The following USP42 variants were observed in gnomAD, a reference collection of about 807,000 sequenced individuals.
USP42 encodes ubiquitin carboxyl-terminal hydrolase 42.
A neutral mutation model predicts 113.0 loss-of-function variants in USP42; 23 were observed. The observed-to-expected ratio is 0.20, with a 90% confidence interval of 0.15 to 0.29. The LOEUF is 0.29. USP42 is among the 10% of genes least tolerant of loss of function. The pLI is 1.00. For missense variants in USP42, 2,174 were observed against 1,779.8 expected, an observed-to-expected ratio of 1.22 and a Z score of -3.99; for synonymous variants, 933 against 699.0, an observed-to-expected ratio of 1.33 and a Z score of -5.28.
chr7:6,141,535 A>G (rs2128505903), intron 7 of USP42, among the ~76,000 whole-genome samples: 1 of 151,570 alleles, frequency 6.6e-6, no homozygotes, highest in Non-Finnish European at 1.5e-5. Flanking sequence ...TAGATTTTCT[A>G]TATTAGCCAA....
chr7:6,130,450 C>T (rs1780791078), intron 3 of USP42, among the ~76,000 whole-genome samples: 1 of 151,808 alleles, frequency 6.6e-6, no homozygotes, highest in Admixed American at 6.6e-5. Flanking sequence ...CTGGGGAGGC[C>T]ATAGTGGTGG....
chr7:6,115,788 C>T (rs944684480), intron 3 of USP42, among the ~76,000 whole-genome samples: 4 of 151,996 alleles, frequency 2.6e-5, no homozygotes, highest in African/African-American at 4.8e-5. Flanking sequence ...TGGTTTTCTA[C>T]ACTTACTAAA....
the USP42 span, among the ~76,000 whole-genome samples, chr7:6,082,095 GT>G: frequency 6.6e-6 from 1 of 151,066 alleles, no homozygotes; most frequent in Non-Finnish European, 1.5e-5. Flanking sequence ...ATACGTGTAT[GT>G]ATGCAGAAAA....
the USP42 span, among the ~76,000 whole-genome samples, chr7:6,091,515 G>A: frequency 1.3e-5 from 2 of 150,650 alleles, no homozygotes; most frequent in African/African-American, 2.5e-5. Flanking sequence ...GGCTTGAGCC[G>A]CCATGCCCAG....
intron 2 of USP42, among the ~76,000 whole-genome samples, chr7:6,113,864 G>A (rs545759945): frequency 3.3e-5 from 5 of 151,320 alleles, no homozygotes; most frequent in African/African-American, 7.3e-5. Flanking sequence ...CTTGTGATCC[G>A]CCCGCCTCGG....
the USP42 span, chr7:6,088,789 G>C: frequency 2.0e-5 from 3 of 151,108 alleles, no homozygotes; most frequent in Non-Finnish European, 4.4e-5. Context: ...TTCTTCCTCA[G>C]ACCTCCTGCT....
At chr7:6,116,059 G>T (rs371275688) in intron 3 of USP42, among the ~76,000 whole-genome samples, 1 of 147,868 alleles carries the variant, frequency 6.8e-6, no homozygotes, top group Non-Finnish European at 1.5e-5. Flanking sequence ...AGCTGTGATC[G>T]CACTGCTGTA....
chr7:6,154,066 A>G lies in USP42; in HGVS notation c.2512A>G (p.Met838Val). 1.2e-6 allele frequency: 2 copies of G among 1,606,080 alleles called. No individual in the cohort carries two copies. The highest frequency in any genetic ancestry group is 1.1e-5 in the South Asian group (1 of 91,034). ...ASPLSQDAKG[M>V]IAEGPRDSAL... ...CCCGTTGTCCCAGGACGCAAAGGGG[A>G]TGATCGCGGAGGGCCCGCGGGACTC... The change falls in exon 15 of 18, where the codon ATG becomes GTG. Residue 838 changes from methionine (M) to valine (V), a missense_variant. Met to Val is a conservative substitution (Grantham distance 21, BLOSUM62 1). Transcript: ENST00000306177.
chr7:6,108,346 T>C (rs1779407938), intron 1 of USP42, among the ~76,000 whole-genome samples: 1 of 152,184 alleles, frequency 6.6e-6, no homozygotes, highest in African/African-American at 2.4e-5. Flanking sequence ...AAGACCAGCC[T>C]GGGCAACGTA....
chr7:6,115,375 G>A lies in USP42; in HGVS notation c.294G>A (p.Lys98=). Residue 98 remains lysine, a synonymous_variant, in exon 3 of 18, where the codon AAG becomes AAA. Coordinates refer to ENST00000306177, the MANE Select transcript of USP42 (RefSeq NM_032172.3). ...AGAAAGTTCTTTTCCCATCTGAGAAGATTTGTCTTAAGTGGCAACAAACTC... is the reference window on the plus strand; with the variant it reads ...AGAAAGTTCTTTTCCCATCTGAGAAAATTTGTCTTAAGTGGCAACAAACTC... The part of the protein sequence containing the change: ...PPQKVLFPSE[K]ICLKWQQTHR... 6.2e-7 allele frequency: 1 copy of A among 1,614,038 alleles called. No individual in the cohort carries two copies. The highest frequency in any genetic ancestry group is 8.5e-7 in the Non-Finnish European group (1 of 1,179,892).
At chr7:6,145,163 T>G (rs1781644548) in intron 9 of USP42, among the ~76,000 whole-genome samples, 1 of 151,622 alleles carries the variant, frequency 6.6e-6, no homozygotes, top group Non-Finnish European at 1.5e-5. Flanking sequence ...GAAACCCCTG[T>G]CTCTACTAAA....
At chr7:6,132,924 G>C (rs1055305133) in intron 3 of USP42, among the ~76,000 whole-genome samples, 2 of 152,166 alleles carry the variant, frequency 1.3e-5, no homozygotes, top group Non-Finnish European at 2.9e-5. Context: ...GCCCATCTTG[G>C]TCTCCCAAAG....
the USP42 span, among the ~76,000 whole-genome samples, chr7:6,091,714 C>CACACACACACAT: frequency 1.3e-5 from 2 of 148,692 alleles, no homozygotes; most frequent in South Asian, 2.1e-4. Context: ...CACACACACA[C>CACACACACACAT]ATATATATGT....
At chr7:6,092,018 T>C in the USP42 span, among the ~76,000 whole-genome samples, 13 of 105,830 alleles carry the variant, frequency 1.2e-4, 1 homozygote, top group African/African-American at 4.8e-4. Context: ...CTTCTTCTTC[T>C]TCTTCTTCTT....
At chr7:6,082,992 C>T in the USP42 span, among the ~76,000 whole-genome samples, 3 of 148,274 alleles carry the variant, frequency 2.0e-5, no homozygotes, top group Non-Finnish European at 1.5e-5. Flanking sequence ...GATGGAGTCT[C>T]GGCTCACTGC....
chr7:6,158,200 G>A lies in USP42; in HGVS notation c.3943+1145G>A, dbSNP rs550190137. Among the ~76,000 whole-genome samples the A allele has an allele frequency of 6.6e-6, 1 of 152,264 alleles. No individual in the cohort carries two copies. ...TGTGGCTTGATTGGGGCGCAGCCAGGTGCGTTCCCACGCTGTCTGGCGGCT... is the reference window on the plus strand; with the variant it reads ...TGTGGCTTGATTGGGGCGCAGCCAGATGCGTTCCCACGCTGTCTGGCGGCT... On this transcript the variant is annotated intron_variant, in intron 16 of 17. Coordinates refer to ENST00000306177, the MANE Select transcript of USP42 (RefSeq NM_032172.3). This position sits in a 1 kb window ranked among gnomAD's most constrained non-coding sequence, Gnocchi z 4.2.
chr7:6,154,038 G>A lies in USP42; in HGVS notation c.2484G>A (p.Ala828=), dbSNP rs761265224. ...ATCCCGGGAGCTTAACAGGCGATGC[G>A]AGCCCGTTGTCCCAGGACGCAAAGG... is the stretch of plus-strand genomic sequence containing the variant. ...LCDPGSLTGD[A]SPLSQDAKGM... The change falls in exon 15 of 18, where the codon GCG becomes GCA. Residue 828 remains alanine, a synonymous_variant. Transcript: ENST00000306177. 2.2e-5 allele frequency: 35 copies of A among 1,605,136 alleles called. No homozygotes were observed. In the South Asian group the frequency reaches 3.5e-4, roughly 16 times the overall value.
chr7:6,159,020 G>A lies in USP42; in HGVS notation c.3944-430G>A, dbSNP rs1015978524. On this transcript the variant is annotated intron_variant, in intron 16 of 17. Transcript: ENST00000306177. This position sits in a 1 kb window ranked among gnomAD's most constrained non-coding sequence, Gnocchi z 4.1. Reference sequence around the variant, plus strand: ...GGTTTGCAGCTGGCGCTTCTGCTGCGAGCAGACTGAGGAGCCTTTCTTGTC... The same window carrying A: ...GGTTTGCAGCTGGCGCTTCTGCTGCAAGCAGACTGAGGAGCCTTTCTTGTC... 1.3e-5 allele frequency among the ~76,000 whole-genome samples: 2 copies of A among 152,190 alleles called. No individual in the cohort carries two copies. Among genetic ancestry groups the A allele is most frequent in the Admixed American group, 6.5e-5 (1 of 15,280 alleles).
rs373020846 is a variant in USP42 at position 6,137,881 on chromosome 7, A to G, written c.554-1211A>G. Among the ~76,000 whole-genome samples the G allele has an allele frequency of 4.0e-5, 6 of 151,822 alleles. No homozygotes were observed. In the East Asian group the frequency reaches 5.8e-4, roughly 15 times the overall value. ...TTTTTAGTAGAGATGGGGTTTCACC[A>G]TGTTAGCCAGGATGGCCTCGATATC... On this transcript the variant is annotated intron_variant, in intron 4 of 17. Transcript: ENST00000306177.
Sources: gnomAD v4.1 joint callset for allele counts (sites outside exome capture counted in the v4.1 genomes callset) on GRCh38, gnomAD v4.1.1 for gene constraint, Gnocchi (gnomAD v3.1) non-coding constraint, MANE v1.5 for transcripts, NCBI Gene and HGNC (gene_info 2026-07-23, HGNC 2026-07-21) for gene names.